Variants in MARF1 observed in about 807,000 individuals in gnomAD.
MARF1 encodes meiosis regulator and mRNA stability factor 1, also known as limkain-b1.
Under a neutral mutation model 168.2 loss-of-function variants are expected in MARF1, and 24 were observed. That is an observed-to-expected ratio of 0.14 (90% CI 0.10 to 0.20). The LOEUF is 0.20. Ranked by LOEUF, MARF1 falls within the 10% of genes least tolerant of loss-of-function variation. MARF1 has a pLI of 1.00. For missense variants in MARF1, 1,744 were observed against 2,143.6 expected (o/e 0.81, Z 3.68); for synonymous variants, 868 against 822.4 (o/e 1.06, Z -0.95).
intron 7 of MARF1, among the ~76,000 whole-genome samples, chr16:15,628,416 T>C (rs2035022841): frequency 6.6e-6 from 1 of 152,018 alleles, no homozygotes; most frequent in Non-Finnish European, 1.5e-5. Flanking sequence ...TTTCTTTTTT[T>C]TTTAGATTTT....
At chr16:15,603,102 T>C (rs990050768) in intron 22 of MARF1, among the ~76,000 whole-genome samples, 1 of 152,246 alleles carries the variant, frequency 6.6e-6, no homozygotes, top group African/African-American at 2.4e-5. Flanking sequence ...CTGGTGTTCT[T>C]AGGATAGATA....
At chr16:15,618,829 T>C (rs1208313325) in intron 13 of MARF1, among the ~76,000 whole-genome samples, 6 of 152,186 alleles carry the variant, frequency 3.9e-5, no homozygotes, top group Admixed American at 6.5e-5. Flanking sequence ...AAAACCTGAA[T>C]GTCCAAAACC....
intron 26 of MARF1, among the ~76,000 whole-genome samples, chr16:15,598,052 C>T (rs1390277194): frequency 6.6e-6 from 1 of 152,192 alleles, no homozygotes; most frequent in Non-Finnish European, 1.5e-5. Context: ...GCAGCACCAG[C>T]AGTGGGGAGG....
chr16:15,602,026 T>C lies in MARF1; in HGVS notation c.4591A>G (p.Ser1531Gly). The change falls in exon 23 of 27, where the codon AGC becomes GGC. Residue 1531 changes from serine (S) to glycine (G), a missense_variant. Physicochemically the swap from Ser to Gly is moderately conservative, Grantham distance 56. Transcript: ENST00000396368. ...ETLQPKTYGH[S>G]SVEELLGAIP... Reference sequence around the variant, plus strand: ...GCTCCCAAGAGCTCCTCCACGCTGCTGTGGCCGTAGGTCTTGGGCTGCAGA... The same window carrying C: ...GCTCCCAAGAGCTCCTCCACGCTGCCGTGGCCGTAGGTCTTGGGCTGCAGA... 1 of 1,614,126 alleles carries C rather than the reference T, an allele frequency of 6.2e-7. No individual in the cohort carries two copies. Among genetic ancestry groups the C allele is most frequent in the Non-Finnish European group, 8.5e-7 (1 of 1,179,956 alleles).
In MARF1 at chr16:15,635,876, C is replaced by T; in HGVS notation, c.611G>A (p.Gly204Asp). Residue 204 changes from glycine to aspartate, a missense_variant, in exon 3 of 27, where the codon GGT becomes GAT. By Grantham distance (94) the Gly-to-Asp change is moderately conservative. Coordinates refer to ENST00000396368, the MANE Select transcript of MARF1 (RefSeq NM_014647.4). Reference protein sequence around the residue: ...CGKLHFQSCHGNVHKLHQFPS... With the variant: ...CGKLHFQSCHDNVHKLHQFPS... ...AAACTGATGCAGCTTGTGCACATTA[C>T]CATGACATGACTGGAAGTGGAGTTT... 2 of 1,614,132 alleles carry T rather than the reference C, an allele frequency of 1.2e-6. No homozygotes were observed. The highest frequency in any genetic ancestry group is 1.7e-6 in the Non-Finnish European group (2 of 1,180,040).
intron 7 of MARF1, among the ~76,000 whole-genome samples, chr16:15,627,329 C>T (rs974798090): frequency 6.6e-6 from 1 of 150,404 alleles, no homozygotes; most frequent in African/African-American, 2.5e-5. Flanking sequence ...CTACAAAAAA[C>T]TAGCCAGAGG....
intron 23 of MARF1, chr16:15,601,721 G>A: frequency 1.9e-6 from 1 of 540,098 alleles, no homozygotes; most frequent in Non-Finnish European, 3.3e-6. Context: ...TGCCTGCTTG[G>A]GGGTCTTGAC....
intron 7 of MARF1, among the ~76,000 whole-genome samples, chr16:15,626,222 A>T (rs2034832419): frequency 6.6e-6 from 1 of 152,222 alleles, no homozygotes; most frequent in South Asian, 2.1e-4. Flanking sequence ...ATCTACAGAG[A>T]CAGAAAGATT....
chr16:15,641,066 G>C (rs1217813372), intron 1 of MARF1, among the ~76,000 whole-genome samples: 2 of 152,184 alleles, frequency 1.3e-5, no homozygotes, highest in Admixed American at 6.5e-5. Context: ...TGGCCCTTCA[G>C]CGTGGGCAAC....
At chr16:15,629,592 G>A (rs1337910451) in intron 7 of MARF1, among the ~76,000 whole-genome samples, 4 of 152,104 alleles carry the variant, frequency 2.6e-5, no homozygotes, top group South Asian at 2.1e-4. Context: ...TTCATTTAAC[G>A]TATGGGATTG....
At chr16:15,601,638 T>C (rs1860284187) in intron 23 of MARF1, 1 of 371,074 alleles carries the variant, frequency 2.7e-6, no homozygotes, top group Admixed American at 4.0e-5. Flanking sequence ...TGCAACAGGC[T>C]CCCCAGGCTT....
chr16:15,630,681 T>C (rs1176907678), intron 6 of MARF1, among the ~76,000 whole-genome samples, 177 bp from the exon 7 acceptor site: 2 of 151,838 alleles, frequency 1.3e-5, no homozygotes, highest in East Asian at 1.9e-4. Context: ...AAGACAATCT[T>C]ACCAAAAGAA....
At chr16:15,631,964 A>G (rs1040902843) in intron 5 of MARF1, among the ~76,000 whole-genome samples, 20 of 152,168 alleles carry the variant, frequency 1.3e-4, no homozygotes, top group African/African-American at 4.8e-4. Flanking sequence ...TCCATCGTGT[A>G]TTATGTGCCA....
Position 15,612,855 on chromosome 16 carries a change from C to T in MARF1, c.3254-78G>A, listed in dbSNP as rs2033690909. ...AAGAAGGGAAAATGGCCCTGCAGTCCCTGGCTTGAGTTCGATCATGGGGAA... is the reference window on the plus strand; with the variant it reads ...AAGAAGGGAAAATGGCCCTGCAGTCTCTGGCTTGAGTTCGATCATGGGGAA... On this transcript the variant is annotated intron_variant, in intron 16 of 26. Transcript: ENST00000396368. The T allele has an allele frequency of 2.4e-6, 3 of 1,241,180 alleles. No homozygotes were observed. In the South Asian group the frequency reaches 3.6e-5, roughly 15 times the overall value. 76.9% of individuals were successfully genotyped at this position (1,241,180 alleles called of 1,614,324 possible). A position where few individuals can be genotyped will look rare whatever the true frequency, so the allele number is the denominator to read the frequency against.
chr16:15,630,241 T>A, intron 7 of MARF1, 91 bp downstream of exon 7: 1 of 1,222,934 alleles, frequency 8.2e-7, no homozygotes. Flanking sequence ...AACAGCCCCA[T>A]CTGGGCCTGG....
At chr16:15,601,049 C>A (rs1198666043) in intron 23 of MARF1, 1 of 547,374 alleles carries the variant, frequency 1.8e-6, no homozygotes, top group South Asian at 1.5e-5. Context: ...AACTGAACAA[C>A]CACCTAAAAG....
Position 15,625,161 on chromosome 16 carries a change from T to C in MARF1, c.1966A>G (p.Met656Val), listed in dbSNP as rs760696104. 14 of 1,614,094 alleles carry C rather than the reference T, an allele frequency of 8.7e-6. 1 individual carries two copies. Among genetic ancestry groups the C allele is most frequent in the South Asian group, 1.1e-5 (1 of 91,080 alleles). The change falls in exon 9 of 27, where the codon ATG becomes GTG. Residue 656 changes from methionine (M) to valine (V), a missense_variant. Physicochemically the swap from Met to Val is conservative, Grantham distance 21. Coordinates refer to ENST00000396368, the MANE Select transcript of MARF1 (RefSeq NM_014647.4). ...TTTCTATGACCAGTTTTTGACTCCA[T>C]GCGGCACAGCTCCTTCAAAGACACA... is the stretch of plus-strand genomic sequence containing the variant. Reference protein sequence around the residue: ...NVKSLQELCRMESKTGHRNSE... With the variant: ...NVKSLQELCRVESKTGHRNSE...
At chr16:15,616,272 G>A (rs981443082) in intron 15 of MARF1, among the ~76,000 whole-genome samples, 6 of 152,142 alleles carry the variant, frequency 3.9e-5, no homozygotes, top group Non-Finnish European at 5.9e-5. Context: ...TCAGTTACGC[G>A]TCTGCTTCCA....
At chr16:15,635,368 C>T (rs866940414) in intron 3 of MARF1, 5 of 462,160 alleles carry the variant, frequency 1.1e-5, no homozygotes, top group Middle Eastern at 1.1e-3. Flanking sequence ...ATCCATCGTG[C>T]TTTAGCCTTT....
Sources: allele counts gnomAD v4.1 joint callset (sites outside exome capture counted in the v4.1 genomes callset), GRCh38; gene constraint gnomAD v4.1.1; transcripts MANE v1.5; gene names NCBI Gene and HGNC (gene_info 2026-07-23, HGNC 2026-07-21).